The following NRXN3 variants were observed in gnomAD, a reference collection of about 807,000 sequenced individuals.
NRXN3 encodes the protein neurexin III.
Under a neutral mutation model 137.6 loss-of-function variants are expected in NRXN3, and 32 were observed. That is an observed-to-expected ratio of 0.23 (90% CI 0.18 to 0.31). The LOEUF (loss-of-function observed/expected upper bound fraction) is 0.31, where lower values mean the gene tolerates loss of function less well. Among genes scored for constraint, NRXN3 ranks in the 10% least tolerant of loss-of-function variants. The probability of loss-of-function intolerance (pLI) is 1.00; values close to 1 mark genes in which losing one functional copy is unlikely to be tolerated. For synonymous variants in NRXN3, 798 were observed against 784.5 expected (o/e 1.02, Z -0.29); for missense variants, 1,574 against 2,062.5 (o/e 0.76, Z 4.59).
At chr14:79,751,009 C>A (rs2098995622) in intron 19 of NRXN3, among the ~76,000 whole-genome samples, 1 of 152,092 alleles carries the variant, frequency 6.6e-6, no homozygotes, top group Non-Finnish European at 1.5e-5. Context: ...AGCTGTGATG[C>A]CTCCAGCTTT....
At chr14:79,005,800 C>A (rs1296503495) in intron 15 of NRXN3, among the ~76,000 whole-genome samples, 1 of 151,684 alleles carries the variant, frequency 6.6e-6, no homozygotes, top group Non-Finnish European at 1.5e-5. Context: ...TAATTTGAAC[C>A]AGGACTATGT....
In NRXN3 at chr14:79,024,939, A is replaced by G. The variant is rs1421409740; in HGVS notation, c.3262+36798A>G. 2.6e-5 allele frequency among the ~76,000 whole-genome samples: 4 copies of G among 152,296 alleles called. No individual in the cohort carries two copies. The South Asian group carries it at 6.2e-4, about 24-fold the overall frequency. On this transcript the variant is annotated intron_variant, in intron 15 of 20. Transcript: ENST00000335750. ...CAAAAAGACAGGCCTAAGTTCTTCT[A>G]CTTTATAGATATTGAGACTCATAGA...
intron 10 of NRXN3, among the ~76,000 whole-genome samples, chr14:78,849,408 G>T (rs983940735): frequency 1.3e-5 from 2 of 152,046 alleles, no homozygotes; most frequent in African/African-American, 4.8e-5. Flanking sequence ...AGGACCAATG[G>T]CAGGAGAATT....
intron 15 of NRXN3, among the ~76,000 whole-genome samples, chr14:79,190,836 A>T (rs1053961969): frequency 1.3e-5 from 2 of 152,174 alleles, no homozygotes; most frequent in African/African-American, 4.8e-5. Context: ...AAGAAGGAGA[A>T]CATATAGGCA....
intron 8 of NRXN3, among the ~76,000 whole-genome samples, chr14:78,753,014 G>A (rs1252989266): frequency 6.6e-6 from 1 of 152,072 alleles, no homozygotes; most frequent in Admixed American, 6.6e-5. Context: ...TGCTTCCCTG[G>A]TGACAGCATT....
intron 15 of NRXN3, among the ~76,000 whole-genome samples, chr14:79,447,822 G>T (rs1266247075): frequency 6.6e-6 from 1 of 152,166 alleles, no homozygotes; most frequent in Non-Finnish European, 1.5e-5. Flanking sequence ...TATGTGTTTT[G>T]AGATGGCCCC....
chr14:78,548,618 G>T (rs141600407), intron 4 of NRXN3, among the ~76,000 whole-genome samples: 3 of 152,022 alleles, frequency 2.0e-5, no homozygotes, highest in African/African-American at 7.2e-5. Context: ...ACCCTTTTCC[G>T]TTGCCCCCTC....
intron 1 of NRXN3, among the ~76,000 whole-genome samples, chr14:78,172,735 G>A (rs897708812): frequency 6.6e-6 from 1 of 152,108 alleles, no homozygotes; most frequent in African/African-American, 2.4e-5. Flanking sequence ...CAACCGGACT[G>A]TGCGAATGCC....
At chr14:78,700,942 T>G (rs1366228104) in intron 6 of NRXN3, among the ~76,000 whole-genome samples, 1 of 152,114 alleles carries the variant, frequency 6.6e-6, no homozygotes. Context: ...TGGCTAATTT[T>G]TGTACTTTTA....
Position 78,278,659 on chromosome 14 carries a change from C to T in NRXN3, c.724C>T (p.Pro242Ser). 1 of 1,535,148 alleles carries T rather than the reference C, an allele frequency of 6.5e-7. No homozygotes were observed. Among genetic ancestry groups the T allele is most frequent in the East Asian group, 2.4e-5 (1 of 40,914 alleles). ...TGCTGCCACAGATGTCAGTCAAGATCCAGGTGAGTCTTTGTGTTTGCACAG... is the reference window on the plus strand; with the variant it reads ...TGCTGCCACAGATGTCAGTCAAGATTCAGGTGAGTCTTTGTGTTTGCACAG... ...KLCSEDVSQD[P>S]GLSHLMMSEQ... Residue 242 changes from proline to serine, a missense_variant, in exon 3 of 21, where the codon CCA becomes TCA. Physicochemically the swap from Pro to Ser is moderately conservative, Grantham distance 74. Coordinates refer to ENST00000335750, the MANE Select transcript of NRXN3 (RefSeq NM_001330195.2).
intron 4 of NRXN3, among the ~76,000 whole-genome samples, chr14:78,385,644 C>T (rs543545221): frequency 2.0e-5 from 3 of 152,240 alleles, no homozygotes; most frequent in South Asian, 4.1e-4. Flanking sequence ...TACTGGTCAC[C>T]CATACAGGAA....
intron 4 of NRXN3, among the ~76,000 whole-genome samples, chr14:78,564,806 G>A (rs1251097856): frequency 1.3e-5 from 2 of 152,100 alleles, no homozygotes; most frequent in African/African-American, 4.8e-5. Flanking sequence ...GACATATGGT[G>A]GGGGTCTCAG....
Position 78,645,265 on chromosome 14 carries a change from G to C in NRXN3, c.903G>C (p.Lys301Asn). 6.3e-7 allele frequency: 1 copy of C among 1,598,904 alleles called. No homozygotes were observed. Among genetic ancestry groups the C allele is most frequent in the Non-Finnish European group, 8.5e-7 (1 of 1,179,816 alleles). The change falls in exon 5 of 21, where the codon AAG becomes AAC. Residue 301 changes from lysine to asparagine, a missense_variant. Around this residue, in one of 5 missense-constraint regions of NRXN3, gnomAD observed 400 missense variants for 527.3 expected, o/e 0.76. Transcript: ENST00000335750. ...QRNGLILHTG[K>N]SADYVNLALK... The stretch of plus-strand genomic sequence containing the variant: ...ACGGCCTCATCCTGCACACGGGCAA[G>C]TCGGCTGACTATGTCAACCTGGCTC...
At chr14:79,026,969 TATATATATATATA>T (rs1417218120) in intron 15 of NRXN3, among the ~76,000 whole-genome samples, 29 of 442 alleles carry the variant, frequency 0.066, no homozygotes, top group Non-Finnish European at 0.21. Flanking sequence ...TATATATATA[TATATATATATATA>T]TATATATATA....
intron 8 of NRXN3, among the ~76,000 whole-genome samples, chr14:78,786,356 T>C (rs942281496): frequency 5.3e-5 from 8 of 152,206 alleles, no homozygotes; most frequent in African/African-American, 1.9e-4. Flanking sequence ...TCAGCCCTGA[T>C]ACATTATATA....
intron 15 of NRXN3, among the ~76,000 whole-genome samples, chr14:79,081,615 C>CA (rs34854400): frequency 0.02 from 2,162 of 110,240 alleles, 52 homozygotes; most frequent in African/African-American, 0.065. Context: ...GACTTTATCT[C>CA]AAAAAAAAAA....
At chr14:79,605,291 C>A (rs1160670066) in intron 16 of NRXN3, among the ~76,000 whole-genome samples, 2 of 152,050 alleles carry the variant, frequency 1.3e-5, no homozygotes, top group Non-Finnish European at 2.9e-5. Context: ...AGTACCTGGG[C>A]CTATGTCAGG....
rs1012809677 is a variant in NRXN3 at position 78,420,302 on chromosome 14, T to C, written c.757+122442T>C. Among the ~76,000 whole-genome samples the C allele has an allele frequency of 5.3e-5, 8 of 152,240 alleles. 1 individual carries two copies. The highest frequency in any genetic ancestry group is 2.6e-4 in the Admixed American group (4 of 15,278). The stretch of plus-strand genomic sequence containing the variant: ...ATCAGTAAAATTCTCATAATCTTTA[T>C]ACAGGAAAGGTAGTAGAGAAAAGTT... On this transcript the variant is annotated intron_variant, in intron 4 of 20. Coordinates refer to ENST00000335750, the MANE Select transcript of NRXN3 (RefSeq NM_001330195.2).
At chr14:78,434,166 G>A (rs1452336109) in intron 4 of NRXN3, among the ~76,000 whole-genome samples, 1 of 152,128 alleles carries the variant, frequency 6.6e-6, no homozygotes, top group Non-Finnish European at 1.5e-5. Context: ...GGTTGTATGG[G>A]TGCTCAAAGT....
Sources: allele counts gnomAD v4.1 joint callset (sites outside exome capture counted in the v4.1 genomes callset), GRCh38; gene constraint gnomAD v4.1.1; regional missense constraint gnomAD v4.1.1; transcripts MANE v1.5; gene names NCBI Gene and HGNC (gene_info 2026-07-23, HGNC 2026-07-21).